Variants in SHROOM3 observed in about 807,000 individuals in gnomAD.
The protein encoded by SHROOM3 is shroom family member 3.
In SHROOM3, 47 loss-of-function variants were observed where a neutral mutation model predicts 138.6. That is an observed-to-expected ratio of 0.34 (90% CI 0.27 to 0.43). The LOEUF is 0.43. Among genes scored for constraint, SHROOM3 ranks in the 20% least tolerant of loss-of-function variants. SHROOM3 has a pLI of 1.00. For synonymous variants in SHROOM3, 1,062 were observed against 1,063.3 expected (o/e 1.00, Z 0.02); for missense variants, 2,491 against 2,596.5 (o/e 0.96, Z 0.88).
intron 1 of SHROOM3, among the ~76,000 whole-genome samples, chr4:76,468,049 G>C (rs1731282407): frequency 6.6e-6 from 1 of 152,224 alleles, no homozygotes; most frequent in South Asian, 2.1e-4. Context: ...CCTGTTGGGA[G>C]CCAGACCAGT....
chr4:76,496,128 G>A (rs1256896491), intron 1 of SHROOM3, among the ~76,000 whole-genome samples: 2 of 152,332 alleles, frequency 1.3e-5, no homozygotes, highest in East Asian at 3.9e-4. Flanking sequence ...AGATTTGAAG[G>A]TTTAAGCATT....
At chr4:76,448,958 C>T (rs1436958612) in intron 1 of SHROOM3, among the ~76,000 whole-genome samples, 1 of 152,184 alleles carries the variant, frequency 6.6e-6, no homozygotes, top group Non-Finnish European at 1.5e-5. Flanking sequence ...CATCCCTAGA[C>T]AGGATATTTT....
At chr4:76,523,219 C>T (rs1732602171) in intron 1 of SHROOM3, among the ~76,000 whole-genome samples, 1 of 152,218 alleles carries the variant, frequency 6.6e-6, no homozygotes, top group African/African-American at 2.4e-5. Context: ...GACATTCTCT[C>T]TGTGTGTCTC....
At chr4:76,729,191 T>C (rs376179470) in intron 3 of SHROOM3, among the ~76,000 whole-genome samples, 11 of 152,346 alleles carry the variant, frequency 7.2e-5, no homozygotes, top group African/African-American at 2.2e-4. Flanking sequence ...TTACGAAATT[T>C]ACCTGAGATC....
At chr4:76,596,842 G>A (rs1734399258) in intron 2 of SHROOM3, among the ~76,000 whole-genome samples, 1 of 152,168 alleles carries the variant, frequency 6.6e-6, no homozygotes, top group Non-Finnish European at 1.5e-5. Flanking sequence ...CTACTAGTGT[G>A]TGGCCCTGGC....
At chr4:76,690,684 G>A (rs1719501938) in intron 2 of SHROOM3, among the ~76,000 whole-genome samples, 1 of 150,738 alleles carries the variant, frequency 6.6e-6, no homozygotes, top group African/African-American at 2.5e-5. Context: ...AATTTATTTT[G>A]ATGGTTACCT....
intron 1 of SHROOM3, among the ~76,000 whole-genome samples, chr4:76,490,073 G>C (rs1305888522): frequency 6.6e-6 from 1 of 152,130 alleles, no homozygotes; most frequent in Non-Finnish European, 1.5e-5. Context: ...AAATGAAGTG[G>C]TAGCATGCAA....
intron 9 of SHROOM3, among the ~76,000 whole-genome samples, chr4:76,761,021 T>C (rs1721971360): frequency 6.6e-6 from 1 of 152,216 alleles, no homozygotes; most frequent in Admixed American, 6.5e-5. Flanking sequence ...CTATCTTAAT[T>C]TTTAAGTGTT....
intron 1 of SHROOM3, among the ~76,000 whole-genome samples, chr4:76,547,003 T>C (rs964590910): frequency 1.3e-5 from 2 of 152,266 alleles, no homozygotes; most frequent in Non-Finnish European, 2.9e-5. Flanking sequence ...CCTGTTCAGT[T>C]TGATGTAGCA....
At chr4:76,660,097 G>A (rs72661491) in intron 2 of SHROOM3, among the ~76,000 whole-genome samples, 14,660 of 151,906 alleles carry the variant, frequency 0.097, 773 homozygotes, top group East Asian at 0.16. Context: ...TCTCACCCAC[G>A]TCAGGGCACT....
intron 1 of SHROOM3, among the ~76,000 whole-genome samples, chr4:76,549,157 T>G (rs1192881725): frequency 6.6e-6 from 1 of 152,206 alleles, no homozygotes; most frequent in Non-Finnish European, 1.5e-5. Flanking sequence ...GTTTTTTTAG[T>G]CATAATAATG....
At position 76,709,591 on chromosome 4, in the gene SHROOM3, A is replaced by C. The variant is rs568860726; in HGVS notation, c.324-565A>C. On this transcript the variant is annotated intron_variant, in intron 2 of 10. Coordinates refer to ENST00000296043, the MANE Select transcript of SHROOM3 (RefSeq NM_020859.4). ...GGTGGGAGGGTGGATTTAAATGGAC[A>C]CACAAAAGGCTTGCCTCCCAGTGCA... Among the ~76,000 whole-genome samples, 13 of 152,300 alleles carry C rather than the reference A, an allele frequency of 8.5e-5. No individual in the cohort carries two copies. The South Asian group carries it at 2.5e-3, about 29-fold the overall frequency.
chr4:76,586,127 T>G (rs1465274413), intron 2 of SHROOM3: 4 of 472,030 alleles, frequency 8.5e-6, no homozygotes, highest in Non-Finnish European at 8.3e-6. Flanking sequence ...TCTGGCCGAG[T>G]GGACTTCCCC....
chr4:76,621,504 G>T (rs1735006680), intron 2 of SHROOM3, among the ~76,000 whole-genome samples: 3 of 152,216 alleles, frequency 2.0e-5, no homozygotes, highest in Non-Finnish European at 1.5e-5. Context: ...ATTTGTATGT[G>T]CAGGGCAGTG....
intron 3 of SHROOM3, among the ~76,000 whole-genome samples, chr4:76,713,208 A>T (rs1012283288): frequency 2.0e-5 from 3 of 152,190 alleles, no homozygotes; most frequent in Non-Finnish European, 2.9e-5. Context: ...AACTTTATAA[A>T]CTTTTAAACT....
rs1722695285 is a variant in SHROOM3 at position 76,780,136 on chromosome 4, T to C, written c.*959T>C. The C allele has an allele frequency of 6.6e-6, 1 of 152,206 alleles. No individual in the cohort carries two copies. Among genetic ancestry groups the C allele is most frequent in the African/African-American group, 2.4e-5 (1 of 41,462 alleles). 9.4% of individuals were successfully genotyped at this position (152,206 alleles called of 1,614,324 possible). The stretch of plus-strand genomic sequence containing the variant: ...CTAAATACGGCCTGTTTATTGAGGC[T>C]GTTTTAATGATGCTTTAAAAAAAAA... On this transcript the variant is annotated 3_prime_UTR_variant, in exon 11 of 11. Coordinates refer to ENST00000296043, the MANE Select transcript of SHROOM3 (RefSeq NM_020859.4).
At chr4:76,736,886 A>C (rs1721088279) in intron 4 of SHROOM3, among the ~76,000 whole-genome samples, 1 of 152,240 alleles carries the variant, frequency 6.6e-6, no homozygotes. Flanking sequence ...CCACCAGAGT[A>C]GTACATTTGT....
intron 1 of SHROOM3, among the ~76,000 whole-genome samples, chr4:76,468,854 A>G (rs1731303352): frequency 6.6e-6 from 1 of 151,790 alleles, no homozygotes; most frequent in African/African-American, 2.4e-5. Context: ...ACACGGTGAA[A>G]CCCCATCTCT....
In SHROOM3 at chr4:76,451,986, G is replaced by A. The variant is rs111586366; in HGVS notation, c.168+15766G>A. On this transcript the variant is annotated intron_variant, in intron 1 of 10. Coordinates refer to ENST00000296043, the MANE Select transcript of SHROOM3 (RefSeq NM_020859.4). ...CCTCCGAGTAGCTGGGACTATAGGCGTGCGCCACCATGTCTAGCAGAAATT... is the reference window on the plus strand; with the variant it reads ...CCTCCGAGTAGCTGGGACTATAGGCATGCGCCACCATGTCTAGCAGAAATT... Among the ~76,000 whole-genome samples, 1,113 of 152,184 alleles carry A rather than the reference G, an allele frequency of 7.3e-3. 10 individuals are homozygous for A. The highest frequency in any genetic ancestry group is 0.025 in the African/African-American group (1,051 of 41,502).
Sources: allele counts gnomAD v4.1 joint callset (sites outside exome capture counted in the v4.1 genomes callset), GRCh38; gene constraint gnomAD v4.1.1; transcripts MANE v1.5; gene names NCBI Gene and HGNC (gene_info 2026-07-23, HGNC 2026-07-21).